Variants in RANBP3 observed in about 807,000 individuals in gnomAD.
The protein encoded by RANBP3 is RAN binding protein 3, also known as ran-binding protein 3.
In RANBP3, 14 loss-of-function variants were observed where a neutral mutation model predicts 77.3. The ratio of observed to expected loss-of-function variants is 0.18; its 90% CI spans 0.12 to 0.28. The LOEUF is 0.28. Ranked by LOEUF, RANBP3 falls within the 10% of genes least tolerant of loss-of-function variation. RANBP3 has a pLI of 1.00. For synonymous variants in RANBP3, 315 were observed against 312.4 expected, an observed-to-expected ratio of 1.01 and a Z score of -0.09; for missense variants, 586 against 752.3, an observed-to-expected ratio of 0.78 and a Z score of 2.59.
At chr19:5,941,906 G>C (rs1041163569) in intron 3 of RANBP3, 71 bp from the exon 4 acceptor site, 1 of 1,561,002 alleles carries the variant, frequency 6.4e-7, no homozygotes, top group African/African-American at 1.4e-5. Flanking sequence ...TCTCGGGGCC[G>C]TAACAAATAT....
chr19:5,932,411 C>G, intron 7 of RANBP3, 41 bp downstream of exon 7: 1 of 1,572,202 alleles, frequency 6.4e-7, no homozygotes, highest in Non-Finnish European at 8.7e-7. Context: ...AACGCTCTAC[C>G]CTGCCGTCTG....
At chr19:5,967,062 C>T (rs1171678110) in intron 1 of RANBP3, among the ~76,000 whole-genome samples, 3 of 152,198 alleles carry the variant, frequency 2.0e-5, no homozygotes, top group Non-Finnish European at 4.4e-5. Context: ...CTGTCACTGA[C>T]GTGTCAGGTC....
At chr19:5,950,005 G>T (rs1415917624) in intron 3 of RANBP3, among the ~76,000 whole-genome samples, 1 of 150,742 alleles carries the variant, frequency 6.6e-6, no homozygotes, top group East Asian at 1.9e-4. Context: ...GAAGGCCTCT[G>T]GGGGGGACCC....
At chr19:5,918,464 G>A (rs1430187520) in intron 15 of RANBP3, 32 bp downstream of exon 15, 1 of 1,571,606 alleles carries the variant, frequency 6.4e-7, no homozygotes. Flanking sequence ...GCAGGATGAG[G>A]GGTCCCAGAT....
chr19:5,919,901 C>CA (rs5826910), intron 14 of RANBP3, among the ~76,000 whole-genome samples: 85,641 of 129,750 alleles, frequency 0.66, 27,735 homozygotes, highest in East Asian at 0.76. Context: ...AACTCCGTCT[C>CA]AAAAAAAAAA....
chr19:5,934,798 G>A (rs926764561), intron 5 of RANBP3, among the ~76,000 whole-genome samples: 1 of 152,232 alleles, frequency 6.6e-6, no homozygotes, highest in Admixed American at 6.5e-5. Flanking sequence ...CTGTACCACT[G>A]CACTCCAGCC....
intron 2 of RANBP3, among the ~76,000 whole-genome samples, chr19:5,956,702 C>T (rs1409871781): frequency 1.3e-5 from 2 of 152,138 alleles, no homozygotes; most frequent in African/African-American, 2.4e-5. Context: ...CCCCACAGAG[C>T]ACTTCAACAT....
At chr19:5,971,703 C>A (rs927767013) in intron 1 of RANBP3, among the ~76,000 whole-genome samples, 3 of 152,188 alleles carry the variant, frequency 2.0e-5, no homozygotes, top group Non-Finnish European at 4.4e-5. Flanking sequence ...TTCTAGCATT[C>A]CAAGGACACT....
intron 3 of RANBP3, among the ~76,000 whole-genome samples, chr19:5,945,055 C>T (rs763818055): frequency 6.6e-6 from 1 of 152,196 alleles, no homozygotes; most frequent in Non-Finnish European, 1.5e-5. Context: ...GACCTCCAGG[C>T]CCCTTATACT....
chr19:5,925,677 T>A lies in RANBP3; in HGVS notation c.874A>T (p.Thr292Ser). ...MENAGHPSAD[T>S]PTATNYFLQY... ...AGGAAATAGTTCGTTGCGGTTGGCG[T>A]GTCTGCGCTGGGGTGTCCAGCATTC... The change falls in exon 10 of 17, where the codon ACG becomes TCG. Residue 292 changes from threonine (T) to serine (S), a missense_variant. Thr to Ser is a moderately conservative substitution (Grantham distance 58). Transcript: ENST00000340578. 1 of 1,613,604 alleles carries A rather than the reference T, an allele frequency of 6.2e-7. No individual in the cohort carries two copies. Among genetic ancestry groups the A allele is most frequent in the Non-Finnish European group, 8.5e-7 (1 of 1,179,936 alleles).
intron 6 of RANBP3, chr19:5,933,123 G>A (rs777005916): frequency 2.4e-5 from 10 of 408,954 alleles, no homozygotes; most frequent in African/African-American, 4.1e-5. Flanking sequence ...GGACAGACAG[G>A]CTGAACCAAG....
intron 12 of RANBP3, 27 bp from the exon 13 acceptor site, chr19:5,923,330 G>C: frequency 6.2e-7 from 1 of 1,602,280 alleles, no homozygotes; most frequent in Non-Finnish European, 8.6e-7. Flanking sequence ...CAAAAAGACT[G>C]ACTGATTATT....
At chr19:5,931,924 A>AC (rs1337833317) in intron 7 of RANBP3, among the ~76,000 whole-genome samples, 6 of 151,984 alleles carry the variant, frequency 3.9e-5, no homozygotes, top group Admixed American at 3.9e-4. Context: ...GGTCCCAGCT[A>AC]CTTGGGAGGC....
chr19:5,957,271 C>T (rs1199419463), intron 2 of RANBP3, among the ~76,000 whole-genome samples: 1 of 152,204 alleles, frequency 6.6e-6, no homozygotes, highest in Non-Finnish European at 1.5e-5. Flanking sequence ...TGTCTTATCA[C>T]AGAACCCTGT....
At chr19:5,936,733 G>A (rs1235929872) in intron 5 of RANBP3, among the ~76,000 whole-genome samples, 1 of 152,102 alleles carries the variant, frequency 6.6e-6, no homozygotes, top group Non-Finnish European at 1.5e-5. Context: ...GCCAAATCTG[G>A]GACAACCTGA....
intron 1 of RANBP3, chr19:5,962,846 C>T: frequency 2.3e-6 from 1 of 434,326 alleles, no homozygotes; most frequent in South Asian, 1.6e-5. Context: ...CCCACTGCCC[C>T]CGACCACCAG....
intron 1 of RANBP3, among the ~76,000 whole-genome samples, chr19:5,977,378 G>A (rs1393203276): frequency 6.6e-6 from 1 of 152,142 alleles, no homozygotes; most frequent in Non-Finnish European, 1.5e-5. Flanking sequence ...GGACTCGCAC[G>A]GTCTCTTGTC....
intron 4 of RANBP3, 34 bp downstream of exon 4, chr19:5,941,765 T>G: frequency 6.2e-7 from 1 of 1,612,428 alleles, no homozygotes. Context: ...TCTTTAAAAC[T>G]GAAGATGGTC....
In RANBP3 at chr19:5,933,418, G is replaced by T. The variant is rs768132806; in HGVS notation, c.468C>A (p.Ser156Arg). The T allele has an allele frequency of 2.5e-6, 4 of 1,612,414 alleles. No homozygotes were observed. The Admixed American group carries it at 5.0e-5, about 20-fold the overall frequency. Reference protein sequence around the residue: ...PPTLIHGQAPSAGLPSQKPKE... With the variant: ...PPTLIHGQAPRAGLPSQKPKE... ...CCAGGGAGGTAGACGACCTACCTGC[G>T]CTGGGGGCTTGGCCGTGGATCAGCG... Residue 156 changes from serine (S) to arginine (R), a missense_variant, in exon 6 of 17, where the codon AGC becomes AGA. This residue lies in a region of RANBP3 where 232 missense variants were observed against 271.7 expected (regional missense o/e 0.85). Coordinates refer to ENST00000340578, the MANE Select transcript of RANBP3 (RefSeq NM_007322.3).
Sources: allele counts gnomAD v4.1 joint callset (sites outside exome capture counted in the v4.1 genomes callset), GRCh38; gene constraint gnomAD v4.1.1; regional missense constraint gnomAD v4.1.1; transcripts MANE v1.5; gene names NCBI Gene and HGNC (gene_info 2026-07-23, HGNC 2026-07-21).